The following EYS variants were observed in gnomAD, a reference collection of about 807,000 sequenced individuals.
The protein encoded by EYS is protein eyes shut homolog.
EYS carries 250 observed loss-of-function variants against 282.1 expected under a neutral mutation model. The ratio of observed to expected loss-of-function variants is 0.89; its 90% CI spans 0.80 to 0.98. The LOEUF is 0.98. Ranked by LOEUF, EYS falls within the 50% of genes least tolerant of loss-of-function variation. EYS has a pLI of 0.00. For missense variants in EYS, 4,016 were observed against 3,709.0 expected (o/e 1.08, Z -2.15); for synonymous variants, 1,355 against 1,282.9 (o/e 1.06, Z -1.20).
chr6:65,360,138 C>T lies in EYS; in HGVS notation c.1300-6521G>A, dbSNP rs112708945. Among the ~76,000 whole-genome samples, 564 of 151,896 alleles carry T rather than the reference C, an allele frequency of 3.7e-3. 2 individuals carry two copies. Among genetic ancestry groups the T allele is most frequent in the Middle Eastern group, 0.01 (3 of 294 alleles). ...TTCTGATGTTTTATTGTTTTTATGA[C>T]GCCACCTTCTTGCTTTGACATCACT... is the stretch of plus-strand genomic sequence containing the variant. On this transcript the variant is annotated intron_variant, in intron 8 of 42. Transcript: ENST00000503581.
intron 31 of EYS, among the ~76,000 whole-genome samples, chr6:64,226,298 T>C (rs1766250748): frequency 6.6e-6 from 1 of 152,158 alleles, no homozygotes; most frequent in South Asian, 2.1e-4. Flanking sequence ...TCTACTTTTG[T>C]AATTTCCTCA....
At chr6:64,961,706 T>C (rs1769925965) in intron 14 of EYS, among the ~76,000 whole-genome samples, 1 of 152,028 alleles carries the variant, frequency 6.6e-6, no homozygotes, top group East Asian at 1.9e-4. Context: ...ACATCATTAA[T>C]CCTCTCCCAA....
chr6:63,834,083 G>T (rs1323451855), intron 36 of EYS, among the ~76,000 whole-genome samples: 1 of 152,122 alleles, frequency 6.6e-6, no homozygotes, highest in East Asian at 1.9e-4. Flanking sequence ...AGACTTAAAT[G>T]TTAGACCTAA....
chr6:63,950,321 C>T (rs2149764722), intron 35 of EYS, among the ~76,000 whole-genome samples: 1 of 152,260 alleles, frequency 6.6e-6, no homozygotes, highest in Admixed American at 6.5e-5. Context: ...CGGTTCCTGC[C>T]TTAACTGATG....
intron 29 of EYS, among the ~76,000 whole-genome samples, chr6:64,370,453 G>A (rs762390088): frequency 5.3e-5 from 8 of 152,038 alleles, no homozygotes; most frequent in Non-Finnish European, 1.2e-4. Flanking sequence ...TTGCATCTAT[G>A]TTCTTCAAGG....
intron 6 of EYS, among the ~76,000 whole-genome samples, chr6:65,403,917 A>G (rs1395137853): frequency 1.6e-4 from 25 of 152,070 alleles, no homozygotes; most frequent in Admixed American, 1.6e-3. Flanking sequence ...AGATTATTGT[A>G]TTAGTTTTCT....
intron 19 of EYS, among the ~76,000 whole-genome samples, chr6:64,864,402 T>TTTTTTTTTTTTTTTTTTTTTTTTTTTTA: frequency 7.3e-6 from 1 of 137,268 alleles, no homozygotes; most frequent in Non-Finnish European, 1.6e-5. Flanking sequence ...TTTTTTTTTT[T>TTTTTTTTTTTTTTTTTTTTTTTTTTTTA]TTTTGACAGA....
intron 28 of EYS, among the ~76,000 whole-genome samples, chr6:64,414,930 A>G (rs1332305992): frequency 6.6e-6 from 1 of 152,204 alleles, no homozygotes; most frequent in African/African-American, 2.4e-5. Context: ...GATACAGAAG[A>G]AACTCCTGAA....
chr6:64,676,532 T>C (rs970672189), intron 22 of EYS, among the ~76,000 whole-genome samples: 2 of 152,082 alleles, frequency 1.3e-5, no homozygotes, highest in Admixed American at 6.6e-5. Context: ...ATTTTAAAAA[T>C]AGTGCAATAC....
rs187577870 is a variant in EYS, at chr6:65,178,737, C to A, written c.2023+117126G>T. 4.9e-4 allele frequency among the ~76,000 whole-genome samples: 75 copies of A among 152,202 alleles called. 1 individual carries two copies. Among genetic ancestry groups the A allele is most frequent in the Admixed American group, 4.6e-3 (71 of 15,274 alleles). ...TAATAGACATCTACAGAACTCTCCA[C>A]CCGAAATCAACAGAATATACATTCT... On this transcript the variant is annotated intron_variant, in intron 12 of 42. Coordinates refer to ENST00000503581, the MANE Select transcript of EYS (RefSeq NM_001142800.2).
At chr6:64,321,709 C>G (rs1433935454) in intron 29 of EYS, among the ~76,000 whole-genome samples, 1 of 151,742 alleles carries the variant, frequency 6.6e-6, no homozygotes, top group Non-Finnish European at 1.5e-5. Context: ...ATTCTAAGGC[C>G]ATATGGATGA....
chr6:64,572,102 G>T (rs186135983), intron 26 of EYS, among the ~76,000 whole-genome samples: 449 of 152,238 alleles, frequency 2.9e-3, no homozygotes, highest in Non-Finnish European at 4.8e-3. Context: ...TCATCCCTGG[G>T]ATGCAAGGCT....
Position 63,748,089 on chromosome 6 carries a change from G to A in EYS, c.8071+14372C>T, listed in dbSNP as rs1035944944. Among the ~76,000 whole-genome samples the A allele has an allele frequency of 3.9e-5, 6 of 152,178 alleles. No homozygotes were observed. In the East Asian group the frequency reaches 1.2e-3, roughly 29 times the overall value. The stretch of plus-strand genomic sequence containing the variant: ...TATGTTTTTGCAGTTGGTGGTACCT[G>A]TTTTTCTTTTCCACATTTAGTGCTT... On this transcript the variant is annotated intron_variant, in intron 41 of 42. Coordinates refer to ENST00000503581, the MANE Select transcript of EYS (RefSeq NM_001142800.2).
At chr6:64,669,353 T>G (rs752710157) in intron 22 of EYS, among the ~76,000 whole-genome samples, 2 of 151,996 alleles carry the variant, frequency 1.3e-5, no homozygotes, top group African/African-American at 2.4e-5. Context: ...ATTCACCCTT[T>G]GATGCAAAAA....
At chr6:64,732,209 T>A (rs1345329425) in intron 22 of EYS, among the ~76,000 whole-genome samples, 1 of 146,238 alleles carries the variant, frequency 6.8e-6, no homozygotes, top group African/African-American at 2.4e-5. Context: ...TACCTAATGT[T>A]GGTGATGGGT....
chr6:65,001,024 G>C (rs1022560518), intron 13 of EYS, among the ~76,000 whole-genome samples: 1 of 152,216 alleles, frequency 6.6e-6, no homozygotes, highest in Non-Finnish European at 1.5e-5. Context: ...CAGATAGGCA[G>C]GTGCAGAGGC....
At chr6:65,170,705 C>T (rs2150227207) in intron 12 of EYS, among the ~76,000 whole-genome samples, 1 of 151,514 alleles carries the variant, frequency 6.6e-6, no homozygotes, top group Middle Eastern at 3.4e-3. Context: ...AGCACAGTTA[C>T]ATTTTAATAC....
At chr6:64,565,131 T>C (rs1765523464) in intron 26 of EYS, among the ~76,000 whole-genome samples, 1 of 152,212 alleles carries the variant, frequency 6.6e-6, no homozygotes, top group Admixed American at 6.5e-5. Flanking sequence ...GAAGCCTTCC[T>C]TTTCTGTGCA....
chr6:63,740,171 C>T (rs934663468), intron 41 of EYS, among the ~76,000 whole-genome samples: 1 of 152,100 alleles, frequency 6.6e-6, no homozygotes, highest in Admixed American at 6.5e-5. Flanking sequence ...GGCTGTGTCC[C>T]CACCCAAGTC....
Sources: allele counts gnomAD v4.1 joint callset (sites outside exome capture counted in the v4.1 genomes callset), GRCh38; gene constraint gnomAD v4.1.1; transcripts MANE v1.5; gene names NCBI Gene and HGNC (gene_info 2026-07-23, HGNC 2026-07-21).